ITGA2: variants seen among roughly 807,000 people sequenced by gnomAD.
ITGA2 encodes the protein integrin alpha-2.
ITGA2 carries 101 observed loss-of-function variants against 146.3 expected under a neutral mutation model. That is an observed-to-expected ratio of 0.69 (90% CI 0.59 to 0.81). The LOEUF is 0.81. ITGA2 is among the 40% of genes least tolerant of loss of function. The pLI, the probability that ITGA2 is intolerant of heterozygous loss-of-function variation, is 0.00. For synonymous variants in ITGA2, 477 were observed against 487.1 expected (o/e 0.98, Z 0.27); for missense variants, 1,281 against 1,402.7 (o/e 0.91, Z 1.39).
intron 1 of ITGA2, among the ~76,000 whole-genome samples, chr5:52,990,496 T>G (rs1229023894): frequency 6.6e-6 from 1 of 152,108 alleles, no homozygotes; most frequent in African/African-American, 2.4e-5. Context: ...GGAGACACGT[T>G]TGTATAATGT....
chr5:53,072,139 C>G, intron 18 of ITGA2, 91 bp downstream of exon 18: 1 of 890,736 alleles, frequency 1.1e-6, no homozygotes, highest in Non-Finnish European at 1.8e-6. Context: ...AGGATGCAGC[C>G]TGAAAATTCT....
chr5:53,071,956 A>G lies in ITGA2; in HGVS notation c.2254A>G (p.Asn752Asp), dbSNP rs1237189550. 6.2e-7 allele frequency: 1 copy of G among 1,612,176 alleles called. No individual in the cohort carries two copies. Among genetic ancestry groups the G allele is most frequent in the Admixed American group, 1.7e-5 (1 of 59,854 alleles). The change falls in exon 18 of 30, where the codon AAC becomes GAC. Residue 752 changes from asparagine (N) to aspartate (D), a missense_variant. This residue lies in a region of ITGA2 where 475 missense variants were observed against 530.5 expected (regional missense o/e 0.90). Transcript: ENST00000296585. ...TGTTTAGGAGCCCTCTGATGTTGTCAACTCTTTGGATTTGCGTGTGGACAT... is the reference window on the plus strand; with the variant it reads ...TGTTTAGGAGCCCTCTGATGTTGTCGACTCTTTGGATTTGCGTGTGGACAT... The part of the protein sequence containing the change: ...IYIQEPSDVV[N>D]SLDLRVDISL...
intron 6 of ITGA2, among the ~76,000 whole-genome samples, chr5:53,051,134 G>A (rs1306225351): frequency 6.6e-6 from 1 of 152,108 alleles, no homozygotes; most frequent in Non-Finnish European, 1.5e-5. Context: ...TTATATGGCA[G>A]TATTAAAAAC....
At chr5:53,028,780 A>T (rs1340805229) in intron 2 of ITGA2, among the ~76,000 whole-genome samples, 1 of 152,200 alleles carries the variant, frequency 6.6e-6, no homozygotes, top group Non-Finnish European at 1.5e-5. Flanking sequence ...TATCTTATCC[A>T]TGAGCCAGTC....
At chr5:53,033,311 A>G (rs1340269593) in intron 2 of ITGA2, among the ~76,000 whole-genome samples, 1 of 151,902 alleles carries the variant, frequency 6.6e-6, no homozygotes, top group Non-Finnish European at 1.5e-5. Context: ...TATCCCCTCA[A>G]CCAATTCTCA....
At chr5:53,043,478 T>A (rs1399322856) in intron 3 of ITGA2, among the ~76,000 whole-genome samples, 1 of 152,180 alleles carries the variant, frequency 6.6e-6, no homozygotes, top group Non-Finnish European at 1.5e-5. Context: ...CTCTAACAGA[T>A]CATATTTTGT....
intron 4 of ITGA2, among the ~76,000 whole-genome samples, chr5:53,047,541 G>T (rs1167621718): frequency 6.6e-6 from 1 of 152,146 alleles, no homozygotes; most frequent in Admixed American, 6.5e-5. Flanking sequence ...GTTAAAAACT[G>T]GTAGTCAGTG....
At chr5:53,017,593 G>A (rs930030467) in intron 1 of ITGA2, among the ~76,000 whole-genome samples, 12 of 152,248 alleles carry the variant, frequency 7.9e-5, no homozygotes, top group African/African-American at 1.2e-4. Flanking sequence ...CAGCATGGCC[G>A]TGTGCCCATG....
rs558663832 is a variant in ITGA2, at chr5:53,006,653, T to A, written c.64+17121T>A. On this transcript the variant is annotated intron_variant, in intron 1 of 29. Coordinates refer to ENST00000296585, the MANE Select transcript of ITGA2 (RefSeq NM_002203.4). ...GTATTATTCTAAGTGCTGGGGAATA[T>A]ATCAGTGAACAAAATAGACACAGCC... Among the ~76,000 whole-genome samples the A allele has an allele frequency of 1.4e-4, 22 of 152,318 alleles. No individual in the cohort carries two copies. In the South Asian group the frequency reaches 2.5e-3, roughly 17 times the overall value.
chr5:53,010,207 A>G (rs1742051746), intron 1 of ITGA2, among the ~76,000 whole-genome samples: 1 of 152,132 alleles, frequency 6.6e-6, no homozygotes, highest in Non-Finnish European at 1.5e-5. Context: ...GAAACCTGCA[A>G]ATTTTTAAAA....
intron 9 of ITGA2, among the ~76,000 whole-genome samples, chr5:53,056,566 CATAA>C (rs1455659427): frequency 2.0e-5 from 3 of 151,910 alleles, no homozygotes; most frequent in African/African-American, 7.2e-5. Context: ...CTATTAGAAT[CATAA>C]ATAGTTTTAC....
At chr5:53,015,738 T>C (rs1742373603) in intron 1 of ITGA2, among the ~76,000 whole-genome samples, 1 of 152,202 alleles carries the variant, frequency 6.6e-6, no homozygotes, top group Admixed American at 6.5e-5. Context: ...TTTGTAGGTC[T>C]CTAAGGACTT....
intron 2 of ITGA2, among the ~76,000 whole-genome samples, chr5:53,034,501 A>G (rs75283179): frequency 0.038 from 5,798 of 150,892 alleles, 147 homozygotes; most frequent in East Asian, 0.082. Flanking sequence ...TTGTGTGTGC[A>G]CCTACAAACA....
At chr5:53,053,207 C>A (rs1374288801) in intron 7 of ITGA2, among the ~76,000 whole-genome samples, 1 of 152,126 alleles carries the variant, frequency 6.6e-6, no homozygotes, top group Non-Finnish European at 1.5e-5. Flanking sequence ...TCTTCTTTTT[C>A]TGTGTGTGTA....
intron 1 of ITGA2, among the ~76,000 whole-genome samples, chr5:53,009,064 T>C (rs1273833042): frequency 6.6e-6 from 1 of 152,060 alleles, no homozygotes; most frequent in African/African-American, 2.4e-5. Context: ...AAAGAAACAA[T>C]GAGCTTGGTG....
intron 1 of ITGA2, among the ~76,000 whole-genome samples, chr5:52,991,600 T>C (rs1740957858): frequency 6.6e-6 from 1 of 152,188 alleles, no homozygotes. Context: ...CAATTGTATA[T>C]ACATATATAT....
chr5:53,006,424 A>G (rs1741854323), intron 1 of ITGA2, among the ~76,000 whole-genome samples: 1 of 152,228 alleles, frequency 6.6e-6, no homozygotes, highest in Non-Finnish European at 1.5e-5. Context: ...ATATGTGTAT[A>G]TAGGTATGTA....
At chr5:53,008,546 CAAAGTAAGTGTCAAACAT>C (rs931214731) in intron 1 of ITGA2, among the ~76,000 whole-genome samples, 1 of 151,846 alleles carries the variant, frequency 6.6e-6, no homozygotes, top group Non-Finnish European at 1.5e-5. Context: ...GATATGAACA[CAAAGTAAGTGTCAAACAT>C]ATGATATATG....
At chr5:53,054,322 A>G (rs929330762) in intron 7 of ITGA2, among the ~76,000 whole-genome samples, 3 of 152,182 alleles carry the variant, frequency 2.0e-5, no homozygotes, top group Non-Finnish European at 4.4e-5. Flanking sequence ...ATCATGTAAT[A>G]TCTTATAAAC....
Sources: gnomAD v4.1 joint callset for allele counts (sites outside exome capture counted in the v4.1 genomes callset) on GRCh38, gnomAD v4.1.1 for gene constraint, gnomAD v4.1.1 regional missense constraint, MANE v1.5 for transcripts, NCBI Gene and HGNC (gene_info 2026-07-23, HGNC 2026-07-21) for gene names.